The following PDE1C variants were observed in gnomAD, a reference collection of about 807,000 sequenced individuals.
PDE1C encodes the protein phosphodiesterase 1C, also known as dual specificity calcium/calmodulin-dependent 3',5'-cyclic nucleotide phosphodiesterase 1C.
PDE1C carries 62 observed loss-of-function variants against 93.1 expected under a neutral mutation model. The ratio of observed to expected loss-of-function variants is 0.67; its 90% confidence interval spans 0.54 to 0.82. The LOEUF (loss-of-function observed/expected upper bound fraction) is 0.82, where lower values mean the gene tolerates loss of function less well. PDE1C is among the 40% of genes least tolerant of loss of function. The pLI is 0.00. For missense variants in PDE1C, 742 were observed against 884.6 expected, an observed-to-expected ratio of 0.84 and a Z score of 2.04; for synonymous variants, 325 against 310.1, an observed-to-expected ratio of 1.05 and a Z score of -0.50.
chr7:31,672,147 C>T, the PDE1C span, among the ~76,000 whole-genome samples: 3 of 152,302 alleles, frequency 2.0e-5, no homozygotes, highest in Admixed American at 2.0e-4. Context: ...CACTGTCCAT[C>T]TTCCCCTTTC....
intron 2 of PDE1C, among the ~76,000 whole-genome samples, chr7:32,041,375 T>C (rs1361728048): frequency 1.3e-5 from 2 of 152,112 alleles, no homozygotes; most frequent in Non-Finnish European, 2.9e-5. Flanking sequence ...TTCCAAAGCA[T>C]GTTCTCATCT....
intron 2 of PDE1C, among the ~76,000 whole-genome samples, chr7:32,178,299 A>G (rs900093677): frequency 6.6e-6 from 1 of 152,138 alleles, no homozygotes; most frequent in Non-Finnish European, 1.5e-5. Flanking sequence ...CTTTTGGAGT[A>G]AGTACTCTCC....
intron 3 of PDE1C, among the ~76,000 whole-genome samples, chr7:32,169,208 A>G (rs1164951651): frequency 2.0e-5 from 3 of 152,228 alleles, no homozygotes; most frequent in Non-Finnish European, 4.4e-5. Context: ...AAGGCAAGGG[A>G]TGGAGTTGTA....
chr7:32,017,858 T>A (rs1431851240), intron 2 of PDE1C, among the ~76,000 whole-genome samples: 2 of 152,102 alleles, frequency 1.3e-5, no homozygotes, highest in East Asian at 3.9e-4. Flanking sequence ...GATGGTGGAT[T>A]GCTTGAGTCC....
At chr7:32,362,818 T>C (rs1784159908) in intron 1 of PDE1C, among the ~76,000 whole-genome samples, 1 of 152,206 alleles carries the variant, frequency 6.6e-6, no homozygotes, top group South Asian at 2.1e-4. Flanking sequence ...GCAAACGCAC[T>C]ACACTCCAAA....
At chr7:32,316,614 A>G (rs1783178519) in intron 1 of PDE1C, among the ~76,000 whole-genome samples, 1 of 152,184 alleles carries the variant, frequency 6.6e-6, no homozygotes, top group Non-Finnish European at 1.5e-5. Flanking sequence ...GGGAAAGCAC[A>G]AAGTCTCTAC....
chr7:32,237,454 G>A (rs1311482924), intron 1 of PDE1C, among the ~76,000 whole-genome samples: 1 of 151,970 alleles, frequency 6.6e-6, no homozygotes, highest in Non-Finnish European at 1.5e-5. Context: ...TTACACAATG[G>A]AGTTTCTTTT....
intron 2 of PDE1C, among the ~76,000 whole-genome samples, chr7:32,001,442 T>C (rs531954780): frequency 7.2e-5 from 11 of 152,222 alleles, no homozygotes; most frequent in Admixed American, 6.5e-5. Flanking sequence ...ATTATTATCA[T>C]GTATTACGGT....
chr7:31,875,793 CTATATATATATATA>C (rs71559206), intron 5 of PDE1C, among the ~76,000 whole-genome samples: 917 of 43,092 alleles, frequency 0.021, 58 homozygotes, highest in African/African-American at 0.044. Context: ...AAGCTTACAT[CTATATATATATATA>C]TATATATATA....
intron 1 of PDE1C, among the ~76,000 whole-genome samples, chr7:32,384,910 C>A (rs1784596344): frequency 6.6e-6 from 1 of 152,098 alleles, no homozygotes; most frequent in African/African-American, 2.4e-5. Context: ...ACATGAACCA[C>A]ACTTTGAGTA....
chr7:31,719,929 G>A, the PDE1C span, among the ~76,000 whole-genome samples: 1 of 151,022 alleles, frequency 6.6e-6, no homozygotes, highest in South Asian at 2.1e-4. Flanking sequence ...TGGGGAGGCC[G>A]AGGCGGGTGG....
At chr7:31,998,487 T>C (rs1413359154) in intron 2 of PDE1C, among the ~76,000 whole-genome samples, 1 of 152,214 alleles carries the variant, frequency 6.6e-6, no homozygotes, top group African/African-American at 2.4e-5. Flanking sequence ...CCAAAGGTAA[T>C]ATACCGAATG....
chr7:31,922,434 C>T (rs1802746317), intron 2 of PDE1C, among the ~76,000 whole-genome samples: 1 of 152,170 alleles, frequency 6.6e-6, no homozygotes, highest in African/African-American at 2.4e-5. Flanking sequence ...CCAGAAATGT[C>T]AATCTGGAGG....
the PDE1C span, among the ~76,000 whole-genome samples, chr7:31,625,332 T>C: frequency 1.3e-5 from 2 of 151,982 alleles, no homozygotes; most frequent in Non-Finnish European, 2.9e-5. Context: ...CATATGTTTA[T>C]TGCGGCACTA....
intron 2 of PDE1C, among the ~76,000 whole-genome samples, chr7:31,956,333 C>G (rs1186343230): frequency 5.3e-5 from 8 of 152,184 alleles, no homozygotes; most frequent in African/African-American, 1.7e-4. Context: ...ACCTCGTGAT[C>G]TGCCTGCCAG....
At chr7:32,089,304 T>A (rs1797321393) in intron 3 of PDE1C, among the ~76,000 whole-genome samples, 1 of 152,150 alleles carries the variant, frequency 6.6e-6, no homozygotes, top group Admixed American at 6.6e-5. Context: ...GGTCATATAG[T>A]AGGTAGTAGA....
chr7:32,199,981 T>C (rs1294507756), intron 2 of PDE1C, among the ~76,000 whole-genome samples: 2 of 152,200 alleles, frequency 1.3e-5, no homozygotes, highest in Non-Finnish European at 2.9e-5. Flanking sequence ...TTAAGATATA[T>C]ATGAAACGCA....
intron 7 of PDE1C, among the ~76,000 whole-genome samples, chr7:31,859,682 G>A (rs78817195): frequency 6.6e-6 from 1 of 151,562 alleles, no homozygotes. Flanking sequence ...TGACCCACTA[G>A]TGTTAACAAA....
At chr7:32,154,557 T>C (rs1438586969) in intron 3 of PDE1C, among the ~76,000 whole-genome samples, 2 of 152,228 alleles carry the variant, frequency 1.3e-5, no homozygotes, top group Admixed American at 6.5e-5. Context: ...TATTTTTACA[T>C]ACATTTTCTC....
Sources: gnomAD v4.1 joint callset for allele counts (sites outside exome capture counted in the v4.1 genomes callset) on GRCh38, gnomAD v4.1.1 for gene constraint, MANE v1.5 for transcripts, NCBI Gene and HGNC (gene_info 2026-07-23, HGNC 2026-07-21) for gene names.